The following OSBPL1A variants were observed in gnomAD, a reference collection of about 807,000 sequenced individuals.
OSBPL1A encodes the protein oxysterol-binding protein-related protein 1.
Under a neutral mutation model 137.1 loss-of-function variants are expected in OSBPL1A, and 80 were observed. That is an observed-to-expected ratio of 0.58 (90% CI 0.49 to 0.70). The LOEUF (loss-of-function observed/expected upper bound fraction) is 0.70, where lower values mean the gene tolerates loss of function less well. OSBPL1A is among the 30% of genes least tolerant of loss of function. The probability of loss-of-function intolerance (pLI) is 0.00; values close to 1 mark genes in which losing one functional copy is unlikely to be tolerated. For missense variants in OSBPL1A, 970 were observed against 1,129.4 expected, an observed-to-expected ratio of 0.86 and a Z score of 2.02; for synonymous variants, 365 against 389.7, an observed-to-expected ratio of 0.94 and a Z score of 0.75.
chr18:24,171,089 T>C (rs1392059086), intron 23 of OSBPL1A, among the ~76,000 whole-genome samples: 1 of 151,518 alleles, frequency 6.6e-6, no homozygotes, highest in Non-Finnish European at 1.5e-5. Flanking sequence ...GGCTGGAGTG[T>C]GGTGGTGCGA....
At chr18:24,248,319 A>C (rs1321939847) in intron 15 of OSBPL1A, among the ~76,000 whole-genome samples, 1 of 152,202 alleles carries the variant, frequency 6.6e-6, no homozygotes, top group Non-Finnish European at 1.5e-5. Flanking sequence ...GAGATTAGAA[A>C]TGAAACGAGT....
chr18:24,174,576 AT>A (rs1466506748), intron 21 of OSBPL1A, among the ~76,000 whole-genome samples: 3 of 152,186 alleles, frequency 2.0e-5, no homozygotes, highest in African/African-American at 7.2e-5. Context: ...TAAAAAACGG[AT>A]ACTCAACCTG....
intron 6 of OSBPL1A, among the ~76,000 whole-genome samples, chr18:24,333,914 T>C (rs1280387157): frequency 6.6e-6 from 1 of 152,188 alleles, no homozygotes; most frequent in African/African-American, 2.4e-5. Context: ...ATTGGCTTAA[T>C]CACAAAATAT....
intron 18 of OSBPL1A, among the ~76,000 whole-genome samples, chr18:24,182,267 T>A (rs188078052): frequency 6.6e-6 from 1 of 152,336 alleles, no homozygotes; most frequent in African/African-American, 2.4e-5. Context: ...GTTTCTGACC[T>A]CAACTGCAAC....
chr18:24,225,107 G>A lies in OSBPL1A; in HGVS notation c.1536C>T (p.His512=). 1 of 1,614,182 alleles carries A rather than the reference G, an allele frequency of 6.2e-7. No individual in the cohort carries two copies. Among genetic ancestry groups the A allele is most frequent in the Non-Finnish European group, 8.5e-7 (1 of 1,180,008 alleles). The change falls in exon 17 of 28, where the codon CAC becomes CAT. Residue 512 remains histidine, a synonymous_variant. Coordinates refer to ENST00000319481, the MANE Select transcript of OSBPL1A (RefSeq NM_080597.4). The part of the protein sequence containing the change: ...EEGEHLGSRK[H]RMSEEKDCGG... ...CACAGTCTTTTTCTTCGGACATTCT[G>A]TGTTTTCTACTGCCCAAATGCTCTC...
chr18:24,335,213 G>A (rs190018952), intron 5 of OSBPL1A, among the ~76,000 whole-genome samples: 106 of 152,138 alleles, frequency 7.0e-4, no homozygotes, highest in Middle Eastern at 3.4e-3. Flanking sequence ...AAATACTTTG[G>A]CACTTACTAC....
chr18:24,181,438 C>A (rs2086602575), intron 18 of OSBPL1A, among the ~76,000 whole-genome samples, 159 bp from the exon 19 acceptor site: 1 of 152,174 alleles, frequency 6.6e-6, no homozygotes, highest in Admixed American at 6.5e-5. Flanking sequence ...CTTTCCAGAG[C>A]ACCTAATACC....
intron 15 of OSBPL1A, among the ~76,000 whole-genome samples, chr18:24,246,196 G>A (rs2088879437): frequency 6.6e-6 from 1 of 151,898 alleles, no homozygotes; most frequent in South Asian, 2.1e-4. Flanking sequence ...TGGGCAACAA[G>A]AGCGAAACCC....
chr18:24,174,921 T>A (rs557309098), intron 21 of OSBPL1A, among the ~76,000 whole-genome samples: 4 of 151,160 alleles, frequency 2.6e-5, no homozygotes, highest in Non-Finnish European at 5.9e-5. Context: ...TACAGGCATG[T>A]GTCCCCATGC....
At chr18:24,391,201 G>C (rs7227332) in intron 1 of OSBPL1A, among the ~76,000 whole-genome samples, 18 of 151,898 alleles carry the variant, frequency 1.2e-4, no homozygotes, top group Non-Finnish European at 2.5e-4. Context: ...GGACAAATAT[G>C]GTATGATTCC....
At chr18:24,332,385 CAAAAAAAAAAAAAA>C (rs71163675) in intron 7 of OSBPL1A, among the ~76,000 whole-genome samples, 39 of 53,046 alleles carry the variant, frequency 7.4e-4, no homozygotes, top group East Asian at 1.9e-3. Flanking sequence ...GACTCTGTCT[CAAAAAAAAAAAAAA>C]AAAAAAAAAA....
intron 27 of OSBPL1A, among the ~76,000 whole-genome samples, chr18:24,163,575 A>AT (rs2086070809): frequency 6.6e-6 from 1 of 152,120 alleles, no homozygotes. Context: ...GAAACAATGT[A>AT]TTTGTCTAAC....
chr18:24,341,016 T>TG (rs1479138743), intron 5 of OSBPL1A, among the ~76,000 whole-genome samples: 7 of 152,238 alleles, frequency 4.6e-5, no homozygotes, highest in Middle Eastern at 3.4e-3. Context: ...ACTTTTCGGC[T>TG]GGGGGGTCTC....
intron 4 of OSBPL1A, among the ~76,000 whole-genome samples, chr18:24,366,097 C>T (rs2091698289): frequency 6.6e-6 from 1 of 152,122 alleles, no homozygotes; most frequent in South Asian, 2.1e-4. Context: ...CCCATGACTC[C>T]CTGTTTGGGT....
At chr18:24,226,655 G>T (rs2088085636) in intron 16 of OSBPL1A, among the ~76,000 whole-genome samples, 1 of 152,112 alleles carries the variant, frequency 6.6e-6, no homozygotes, top group Non-Finnish European at 1.5e-5. Flanking sequence ...AAAAATCACA[G>T]AACCTTACTG....
At chr18:24,215,908 G>A (rs936237098) in intron 17 of OSBPL1A, among the ~76,000 whole-genome samples, 2 of 152,192 alleles carry the variant, frequency 1.3e-5, no homozygotes, top group African/African-American at 4.8e-5. Context: ...TAAATAGATC[G>A]AGATGCCAAG....
intron 16 of OSBPL1A, among the ~76,000 whole-genome samples, chr18:24,231,168 T>C (rs932548201): frequency 6.6e-6 from 1 of 152,202 alleles, no homozygotes; most frequent in Non-Finnish European, 1.5e-5. Context: ...GCATTGAAGG[T>C]GGACAGAATC....
chr18:24,197,583 T>C (rs1006543498), intron 17 of OSBPL1A, among the ~76,000 whole-genome samples: 4 of 152,168 alleles, frequency 2.6e-5, no homozygotes, highest in Non-Finnish European at 5.9e-5. Context: ...TTGGCAGATA[T>C]GCCATCTAAC....
chr18:24,377,929 G>A (rs1423568901), intron 1 of OSBPL1A, among the ~76,000 whole-genome samples: 1 of 152,156 alleles, frequency 6.6e-6, no homozygotes, highest in African/African-American at 2.4e-5. Flanking sequence ...TAAAGTCAAA[G>A]TATGACTTTA....
Sources: allele counts gnomAD v4.1 joint callset (sites outside exome capture counted in the v4.1 genomes callset), GRCh38; gene constraint gnomAD v4.1.1; transcripts MANE v1.5; gene names NCBI Gene and HGNC (gene_info 2026-07-23, HGNC 2026-07-21).